The following POP1 variants were observed in gnomAD, a reference collection of about 807,000 sequenced individuals.
POP1 encodes POP1 ribonuclease P/MRP subunit, also known as ribonucleases P/MRP protein subunit POP1.
Under a neutral mutation model 102.2 loss-of-function variants are expected in POP1, and 75 were observed. The observed-to-expected ratio is 0.73, with a 90% CI of 0.61 to 0.89. The LOEUF (loss-of-function observed/expected upper bound fraction) is 0.89, where lower values mean the gene tolerates loss of function less well. Ranked by LOEUF, POP1 falls within the 40% of genes least tolerant of loss-of-function variation. The pLI is 0.00. For synonymous variants in POP1, 436 were observed against 464.1 expected (o/e 0.94, Z 0.78); for missense variants, 1,116 against 1,267.4 (o/e 0.88, Z 1.81).
intron 11 of POP1, among the ~76,000 whole-genome samples, chr8:98,142,121 T>C (rs1816721719): frequency 6.6e-6 from 1 of 152,210 alleles, no homozygotes; most frequent in African/African-American, 2.4e-5. Context: ...TTGACTATTA[T>C]AATTGCCTTG....
At chr8:98,140,215 G>T in intron 10 of POP1, 26 bp downstream of exon 10, 1 of 1,601,974 alleles carries the variant, frequency 6.2e-7, no homozygotes, top group Non-Finnish European at 8.6e-7. Flanking sequence ...ACTGGGTTGT[G>T]TTGGGGAGGG....
chr8:98,139,965 C>T lies in POP1; in HGVS notation c.1363-113C>T. ...AACTTCCCTGGTTCATCCCATAACACATACATTTCCACACATAGAAGAAGA... is the reference window on the plus strand; with the variant it reads ...AACTTCCCTGGTTCATCCCATAACATATACATTTCCACACATAGAAGAAGA... On this transcript the variant is annotated intron_variant, in intron 9 of 15. Transcript: ENST00000401707. 4 of 827,808 alleles carry T rather than the reference C, an allele frequency of 4.8e-6. No individual in the cohort carries two copies. In the East Asian group the frequency reaches 1.1e-4, roughly 22 times the overall value. The allele number at this position is 827,808 out of a possible 1,614,324, so 51.3% of individuals were successfully genotyped here.
Position 98,134,018 on chromosome 8 carries a change from A to T in POP1, c.805A>T (p.Met269Leu), listed in dbSNP as rs761101035. Reference protein sequence around the residue: ...EEEILKALSGMCNIDTGLTFA... With the variant: ...EEEILKALSGLCNIDTGLTFA... ...AGAAATACTAAAGGCGCTTTCTGGA[A>T]TGTGTAACATAGACACAGGTAAACT... The change falls in exon 6 of 16, where the codon ATG becomes TTG. Residue 269 changes from methionine (M) to leucine (L), a missense_variant. Transcript: ENST00000401707. 6.2e-7 allele frequency: 1 copy of T among 1,610,488 alleles called. No homozygotes were observed. Among genetic ancestry groups the T allele is most frequent in the East Asian group, 2.2e-5 (1 of 44,844 alleles).
rs1160931855 is a variant in POP1 at position 98,157,958 on chromosome 8, A to C, written c.2762A>C (p.Gln921Pro). 4.3e-6 allele frequency: 7 copies of C among 1,613,700 alleles called. No individual in the cohort carries two copies. Among genetic ancestry groups the C allele is most frequent in the Non-Finnish European group, 5.9e-6 (7 of 1,180,058 alleles). ...QKEKKKREKR[Q>P]KPGRASSDGP... is the part of the protein sequence containing the mutation. ...GAGAAGAAGAAAAGGGAGAAGAGGCAGAAGCCAGGACGTGCCTCTTCTGAT... is the reference window on the plus strand; with the variant it reads ...GAGAAGAAGAAAAGGGAGAAGAGGCCGAAGCCAGGACGTGCCTCTTCTGAT... The change falls in exon 16 of 16, where the codon CAG (glutamine) becomes CCG (proline). Residue 921 changes from glutamine to proline, a missense_variant. Physicochemically the swap from Gln to Pro is moderately conservative, Grantham distance 76. Transcript: ENST00000401707.
Position 98,150,540 on chromosome 8 carries a change from A to G in POP1, c.1958A>G (p.Tyr653Cys), listed in dbSNP as rs781450210. 4.3e-6 allele frequency: 7 copies of G among 1,614,048 alleles called. No homozygotes were observed. The African/African-American group carries it at 5.3e-5, about 12-fold the overall frequency. The change falls in exon 14 of 16, where the codon TAT (tyrosine) becomes TGT (cysteine). Residue 653 changes from tyrosine to cysteine, a missense_variant. Coordinates refer to ENST00000401707, the MANE Select transcript of POP1 (RefSeq NM_001145860.2). ...AAAGAGTCTGCAGTGCATTCTCAGT[A>G]TAAGAGGTCGCCTAATGTCCCAGGC... is the stretch of plus-strand genomic sequence containing the variant. ...GLKESAVHSQYKRSPNVPGDF... is the reference protein window; with the variant it reads ...GLKESAVHSQCKRSPNVPGDF...
intron 14 of POP1, 98 bp from the exon 15 acceptor site, chr8:98,155,952 T>C (rs1809636811): frequency 1.0e-6 from 1 of 983,238 alleles, no homozygotes; most frequent in Non-Finnish European, 1.6e-6. Flanking sequence ...TGTGTGTGTG[T>C]GTGTTTTAAA....
At chr8:98,149,341 G>A (rs1809456973) in intron 13 of POP1, among the ~76,000 whole-genome samples, 3 of 152,188 alleles carry the variant, frequency 2.0e-5, no homozygotes, top group Non-Finnish European at 4.4e-5. Flanking sequence ...TTTTACAGAT[G>A]GATAGAATAC....
In POP1 at chr8:98,146,625, GCTT is replaced by G; in HGVS notation, c.1653_1655del (p.Phe552del). 1 of 1,614,040 alleles carries G rather than the reference GCTT, an allele frequency of 6.2e-7. No individual in the cohort carries two copies. Among genetic ancestry groups the G allele is most frequent in the Non-Finnish European group, 8.5e-7 (1 of 1,179,954 alleles). ...GGTGTGCCTGTGGAATGTACGCATA[GCTT>G]TATCTGGAACCAAGATATCTGTAAG... On this transcript the variant is annotated inframe_deletion, in exon 12 of 16. Transcript: ENST00000401707.
At chr8:98,125,289 G>A (rs900968492) in intron 2 of POP1, among the ~76,000 whole-genome samples, 33 of 147,730 alleles carry the variant, frequency 2.2e-4, no homozygotes, top group African/African-American at 8.3e-4. Context: ...GGGTTCAAGC[G>A]ATTCTCCTGC....
chr8:98,126,735 A>G (rs995208620), intron 2 of POP1, among the ~76,000 whole-genome samples: 10 of 152,232 alleles, frequency 6.6e-5, no homozygotes, highest in Non-Finnish European at 1.3e-4. Context: ...TACAATGTGC[A>G]AAAAGTTTCA....
chr8:98,148,013 G>A (rs2130622489), intron 12 of POP1, among the ~76,000 whole-genome samples: 1 of 152,302 alleles, frequency 6.6e-6, no homozygotes, highest in South Asian at 2.1e-4. Context: ...AAATACAGTG[G>A]GAAGGGTGAT....
In POP1 at chr8:98,136,529, C is replaced by G; in HGVS notation, c.1059C>G (p.Ile353Met). Residue 353 changes from isoleucine to methionine, a missense_variant, in exon 8 of 16, where the codon ATC becomes ATG. By Grantham distance (10) the Ile-to-Met change is conservative. Transcript: ENST00000401707. The stretch of plus-strand genomic sequence containing the variant: ...CAGCGTGCCAGTGTGTGGAACCCAT[C>G]AAATCAGCTGTCTGCATCGCTGACC... ...IKAACQCVEPIKSAVCIADPL... is the reference protein window; with the variant it reads ...IKAACQCVEPMKSAVCIADPL... The G allele has an allele frequency of 6.2e-7, 1 of 1,613,942 alleles. No homozygotes were observed. Among genetic ancestry groups the G allele is most frequent in the South Asian group, 1.1e-5 (1 of 91,064 alleles).
chr8:98,150,358 T>G, intron 13 of POP1, 127 bp from the exon 14 acceptor site: 1 of 952,574 alleles, frequency 1.0e-6, no homozygotes, highest in Non-Finnish European at 1.7e-6. Context: ...TGGTAATCCA[T>G]TGTGTGTATT....
chr8:98,134,150 A>C, intron 6 of POP1, 114 bp downstream of exon 6: 1 of 810,182 alleles, frequency 1.2e-6, no homozygotes, highest in Non-Finnish European at 2.1e-6. Flanking sequence ...AGTGTGTGAG[A>C]CACTAATCAT....
intron 1 of POP1, among the ~76,000 whole-genome samples, chr8:98,122,362 G>A (rs1816055515): frequency 6.6e-6 from 1 of 152,174 alleles, no homozygotes; most frequent in African/African-American, 2.4e-5. Context: ...TTATGTATAG[G>A]TAGAAGTAAA....
rs1260131411 is a variant in POP1, at chr8:98,155,114, C to A, written c.2058-936C>A. Reference sequence around the variant, plus strand: ...ACTTCATGTAGCCTTGAGCTTAGAACCTCGTAAGTGTACAGGAAAATCGTG... The same window carrying A: ...ACTTCATGTAGCCTTGAGCTTAGAAACTCGTAAGTGTACAGGAAAATCGTG... On this transcript the variant is annotated intron_variant, in intron 14 of 15. Transcript: ENST00000401707. 2.6e-5 allele frequency among the ~76,000 whole-genome samples: 4 copies of A among 152,000 alleles called. No individual in the cohort carries two copies. The East Asian group carries it at 7.7e-4, about 29-fold the overall frequency.
chr8:98,141,423 A>G (rs1301459429), intron 11 of POP1, among the ~76,000 whole-genome samples: 3 of 152,266 alleles, frequency 2.0e-5, no homozygotes, highest in South Asian at 2.1e-4. Flanking sequence ...TTTTGTTCTG[A>G]TATGAGATTG....
At chr8:98,153,694 T>C (rs932556022) in intron 14 of POP1, among the ~76,000 whole-genome samples, 1 of 151,930 alleles carries the variant, frequency 6.6e-6, no homozygotes, top group African/African-American at 2.4e-5. Context: ...CCCACCACCA[T>C]GCCCAGCTAA....
intron 11 of POP1, among the ~76,000 whole-genome samples, chr8:98,145,196 G>A (rs1816811164): frequency 6.6e-6 from 1 of 152,082 alleles, no homozygotes; most frequent in Non-Finnish European, 1.5e-5. Context: ...GCCTGTTGTG[G>A]CTTTTAAACA....
Sources: gnomAD v4.1 joint callset for allele counts (sites outside exome capture counted in the v4.1 genomes callset) on GRCh38, gnomAD v4.1.1 for gene constraint, MANE v1.5 for transcripts, NCBI Gene and HGNC (gene_info 2026-07-23, HGNC 2026-07-21) for gene names.